The following DHRS7C variants were observed in gnomAD, a reference collection of about 807,000 sequenced individuals.
DHRS7C encodes the protein dehydrogenase/reductase SDR family member 7C.
A neutral mutation model predicts 29.6 loss-of-function variants in DHRS7C; 28 were observed. The ratio of observed to expected loss-of-function variants is 0.95; its 90% CI spans 0.70 to 1.30. The LOEUF is 1.30. DHRS7C is among the 50% of genes most tolerant of loss of function. DHRS7C has a pLI of 0.00. For missense variants in DHRS7C, 403 were observed against 393.3 expected, an observed-to-expected ratio of 1.02 and a Z score of -0.21; for synonymous variants, 158 against 160.2, an observed-to-expected ratio of 0.99 and a Z score of 0.10.
intron 2 of DHRS7C, 140 bp from the exon 3 acceptor site, chr17:9,780,175 C>G: frequency 1.3e-6 from 1 of 773,280 alleles, no homozygotes; most frequent in Non-Finnish European, 2.0e-6. Flanking sequence ...GACGAAGAAG[C>G]AGAGATGATT....
chr17:9,781,909 C>T (rs1050770978), intron 1 of DHRS7C, among the ~76,000 whole-genome samples: 5 of 152,170 alleles, frequency 3.3e-5, no homozygotes, highest in East Asian at 1.9e-4. Context: ...CCCCCAGGAC[C>T]GCAGCCCTAG....
chr17:9,771,711 T>A lies in DHRS7C; in HGVS notation c.728-15A>T. ...CCTGAAAAAGACTGAAAGGCCCCAG[T>A]TGGGGGCGGGGGTTATGACCTCCGT... On this transcript the variant is annotated splice_polypyrimidine_tract_variant and intron_variant, in intron 5 of 5. Coordinates refer to ENST00000571134, the MANE Select transcript of DHRS7C (RefSeq NM_001105571.3). 6.9e-7 allele frequency: 1 copy of A among 1,445,620 alleles called. No individual in the cohort carries two copies. Among genetic ancestry groups the A allele is most frequent in the East Asian group, 2.6e-5 (1 of 37,974 alleles). The allele number at this position is 1,445,620 out of a possible 1,614,324, so 89.5% of individuals were successfully genotyped here.
At chr17:9,781,711 G>T in intron 1 of DHRS7C, 117 bp from the exon 2 acceptor site, 1 of 909,610 alleles carries the variant, frequency 1.1e-6, no homozygotes, top group Non-Finnish European at 1.7e-6. Flanking sequence ...GCACCACGAG[G>T]TCCTTTAGGG....
At position 9,778,467 on chromosome 17, in the gene DHRS7C, G is replaced by T. The variant is rs1158173983; in HGVS notation, c.479-1182C>A. On this transcript the variant is annotated intron_variant, in intron 3 of 5. Transcript: ENST00000571134. Reference sequence around the variant, plus strand: ...AACGGAAGTCCGGCGCTAGGGACTAGACCCAGGGTCCTTAGTGAGTTAGAG... The same window carrying T: ...AACGGAAGTCCGGCGCTAGGGACTATACCCAGGGTCCTTAGTGAGTTAGAG... 2.0e-5 allele frequency among the ~76,000 whole-genome samples: 3 copies of T among 151,600 alleles called. No homozygotes were observed. The South Asian group carries it at 6.2e-4, about 32-fold the overall frequency.
Position 9,785,694 on chromosome 17 carries a change from C to A in DHRS7C, c.155-4100G>T, listed in dbSNP as rs143825143. On this transcript the variant is annotated intron_variant, in intron 1 of 5. Coordinates refer to ENST00000571134, the MANE Select transcript of DHRS7C (RefSeq NM_001105571.3). ...ATCCTAGGGAGGCCTCTGAAAGGCA[C>A]ATGAAAGTGCCCACGAGAGAAAGAT... Among the ~76,000 whole-genome samples the A allele has an allele frequency of 6.1e-3, 934 of 152,326 alleles. 16 individuals carry two copies. The highest frequency in any genetic ancestry group is 0.041 in the East Asian group (212 of 5,176).
At chr17:9,787,837 A>G (rs2066432711) in intron 1 of DHRS7C, among the ~76,000 whole-genome samples, 1 of 152,010 alleles carries the variant, frequency 6.6e-6, no homozygotes, top group African/African-American at 2.4e-5. Context: ...CCTCCTGAGT[A>G]GCTGGGAATG....
intron 1 of DHRS7C, among the ~76,000 whole-genome samples, chr17:9,784,106 G>A (rs2066409241): frequency 1.3e-5 from 2 of 151,828 alleles, no homozygotes; most frequent in South Asian, 4.2e-4. Flanking sequence ...CTTGCATTGG[G>A]GAGGACTCCT....
chr17:9,786,334 T>TAATAAC (rs2066423543), intron 1 of DHRS7C, among the ~76,000 whole-genome samples: 1 of 121,396 alleles, frequency 8.2e-6, no homozygotes, highest in Non-Finnish European at 1.6e-5. Flanking sequence ...TCTCAAATAA[T>TAATAAC]AATAATAATA....
chr17:9,790,134 G>A (rs1021392774), intron 1 of DHRS7C, among the ~76,000 whole-genome samples: 7 of 152,100 alleles, frequency 4.6e-5, no homozygotes, highest in African/African-American at 9.7e-5. Context: ...GGTTACAAAC[G>A]TTCTCACGAT....
At chr17:9,780,543 A>G (rs1257743706) in intron 2 of DHRS7C, among the ~76,000 whole-genome samples, 1 of 152,222 alleles carries the variant, frequency 6.6e-6, no homozygotes, top group East Asian at 1.9e-4. Context: ...GTGTTTAGCC[A>G]GATACTTGCT....
Position 9,791,246 on chromosome 17 carries a change from C to A in DHRS7C, c.39G>T (p.Leu13=), listed in dbSNP as rs775205464. 2.5e-6 allele frequency: 4 copies of A among 1,613,636 alleles called. No individual in the cohort carries two copies. The highest frequency in any genetic ancestry group is 2.7e-5 in the African/African-American group (2 of 74,940). The part of the protein sequence containing the change: ...VMAMLMLPLL[L]LGISGLLFIY... ...TGAAGAGGAGGCCGCTGATTCCCAG[C>A]AGCAGCAGGGGGAGCATCAGCATGG... The change falls in exon 1 of 6, where the codon CTG becomes CTT. Residue 13 remains leucine (L), a synonymous_variant. Coordinates refer to ENST00000571134, the MANE Select transcript of DHRS7C (RefSeq NM_001105571.3).
chr17:9,777,301 C>T lies in DHRS7C; in HGVS notation c.479-16G>A, dbSNP rs762341841. 1.6e-5 allele frequency: 25 copies of T among 1,608,530 alleles called. No homozygotes were observed. The highest frequency in any genetic ancestry group is 1.0e-4 in the South Asian group (9 of 90,368). On this transcript the variant is annotated splice_polypyrimidine_tract_variant and intron_variant, in intron 3 of 5. Transcript: ENST00000571134. ...GGAAGCAGGGCTGGAAAACACAGGA[C>T]GATGCATCATGGTTAAAACTTTGAG...
At chr17:9,771,978 G>A (rs1849482121) in intron 5 of DHRS7C, among the ~76,000 whole-genome samples, 1 of 152,210 alleles carries the variant, frequency 6.6e-6, no homozygotes, top group Non-Finnish European at 1.5e-5. Context: ...AAGAGGTTAG[G>A]ATCTAAGAAG....
intron 3 of DHRS7C, among the ~76,000 whole-genome samples, chr17:9,779,623 A>G (rs1011554821): frequency 6.6e-6 from 1 of 152,188 alleles, no homozygotes; most frequent in Middle Eastern, 3.2e-3. Context: ...GTTGAAATAT[A>G]CCAATCAGAT....
At chr17:9,784,012 G>T (rs913266884) in intron 1 of DHRS7C, among the ~76,000 whole-genome samples, 4 of 150,646 alleles carry the variant, frequency 2.7e-5, no homozygotes, top group Admixed American at 2.0e-4. Context: ...AAAGCTGGAT[G>T]CATTACACCA....
chr17:9,771,794 G>A, intron 5 of DHRS7C, 98 bp from the exon 6 acceptor site: 1 of 1,206,242 alleles, frequency 8.3e-7, no homozygotes, highest in East Asian at 3.1e-5. Flanking sequence ...CGGGAAGCGT[G>A]GGCTGTCCCC....
At chr17:9,782,508 G>A (rs555517879) in intron 1 of DHRS7C, among the ~76,000 whole-genome samples, 101 of 152,228 alleles carry the variant, frequency 6.6e-4, no homozygotes, top group Non-Finnish European at 1.2e-3. Context: ...GAGGCAAGAG[G>A]ATCGGCCTTT....
At position 9,775,342 on chromosome 17, in the gene DHRS7C, G is replaced by A. The variant is rs1474711251; in HGVS notation, c.571+1851C>T. On this transcript the variant is annotated intron_variant, in intron 4 of 5. Transcript: ENST00000571134. The surrounding 1 kb of genome is among the most constrained non-coding windows in gnomAD (Gnocchi z 4.2). Reference sequence around the variant, plus strand: ...TCTGCCCTTCTTCCTGGGCCCCCAGGTGGACTGCACTTCCCAGCGTCCCTT... The same window carrying A: ...TCTGCCCTTCTTCCTGGGCCCCCAGATGGACTGCACTTCCCAGCGTCCCTT... Among the ~76,000 whole-genome samples the A allele has an allele frequency of 1.3e-5, 2 of 152,224 alleles. No individual in the cohort carries two copies. Among genetic ancestry groups the A allele is most frequent in the Non-Finnish European group, 2.9e-5 (2 of 68,040 alleles).
intron 5 of DHRS7C, among the ~76,000 whole-genome samples, chr17:9,772,132 G>T (rs771876844): frequency 4.6e-5 from 7 of 152,126 alleles, no homozygotes; most frequent in Non-Finnish European, 8.8e-5. Flanking sequence ...AAGGTGTAGC[G>T]CCTCTACGCT....
Sources: allele counts gnomAD v4.1 joint callset (sites outside exome capture counted in the v4.1 genomes callset), GRCh38; gene constraint gnomAD v4.1.1; non-coding constraint Gnocchi (gnomAD v3.1); transcripts MANE v1.5; gene names NCBI Gene and HGNC (gene_info 2026-07-23, HGNC 2026-07-21).